The following COMT variants were observed in gnomAD, a reference collection of about 807,000 sequenced individuals.
COMT encodes catechol-O-methyltransferase.
A neutral mutation model predicts 18.9 loss-of-function variants in COMT; 13 were observed. The observed-to-expected ratio is 0.69, with a 90% confidence interval of 0.45 to 1.09. The LOEUF (loss-of-function observed/expected upper bound fraction) is 1.09. Ranked by LOEUF, COMT falls within the 50% of genes least tolerant of loss-of-function variation. The pLI is 0.00. For synonymous variants in COMT, 150 were observed against 160.9 expected (o/e 0.93, Z 0.51); for missense variants, 329 against 361.8 (o/e 0.91, Z 0.73).
chr22:19,957,370 A>T (rs936090232), intron 1 of COMT, among the ~76,000 whole-genome samples: 10 of 151,340 alleles, frequency 6.6e-5, no homozygotes, highest in Non-Finnish European at 1.2e-4. Flanking sequence ...GTGAGCCTTG[A>T]TCACGCCACT....
intron 1 of COMT, among the ~76,000 whole-genome samples, chr22:19,958,783 TG>T (rs751677413): frequency 6.7e-6 from 1 of 149,386 alleles, no homozygotes; most frequent in Non-Finnish European, 1.5e-5. Context: ...CCCAGCTACT[TG>T]GGGGGGCTGA....
chr22:19,957,272 A>G (rs1942086315), intron 1 of COMT, among the ~76,000 whole-genome samples: 2 of 152,278 alleles, frequency 1.3e-5, no homozygotes, highest in East Asian at 3.9e-4. Context: ...TTTTAAAGAA[A>G]GATGAGACCA....
rs1490738431 is a variant in COMT at position 19,964,152 on chromosome 22, A to T, written c.484-16A>T. On this transcript the variant is annotated splice_polypyrimidine_tract_variant and intron_variant, in intron 4 of 5. Coordinates refer to ENST00000361682, the MANE Select transcript of COMT (RefSeq NM_000754.4). ...CCTGTCTGTGAGGACGTGGGCACTG[A>T]CAGGCGCTGTTCCAGGTCACCCTTG... The T allele has an allele frequency of 6.2e-7, 1 of 1,613,838 alleles. No individual in the cohort carries two copies. The highest frequency in any genetic ancestry group is 1.3e-5 in the African/African-American group (1 of 74,920).
intron 1 of COMT, chr22:19,951,377 A>AC (rs3081740): frequency 6.6e-6 from 1 of 150,494 alleles, no homozygotes; most frequent in South Asian, 2.1e-4. Context: ...AAAAAAAAAA[A>AC]GCCTGGGACT....
intron 1 of COMT, among the ~76,000 whole-genome samples, chr22:19,943,686 G>T (rs563658418): frequency 6.6e-5 from 10 of 151,716 alleles, no homozygotes; most frequent in East Asian, 1.9e-4. Flanking sequence ...AAGAAAGAAA[G>T]AAATAAAAAC....
At chr22:19,943,955 C>T (rs1941794225) in intron 1 of COMT, among the ~76,000 whole-genome samples, 1 of 152,154 alleles carries the variant, frequency 6.6e-6, no homozygotes, top group African/African-American at 2.4e-5. Context: ...ACAAAGGCTG[C>T]CCCTGGAGAA....
rs1172249451 is a variant in COMT, at chr22:19,969,839, C to T, written c.*1103C>T. On this transcript the variant is annotated 3_prime_UTR_variant, in exon 6 of 6. Coordinates refer to ENST00000361682, the MANE Select transcript of COMT (RefSeq NM_000754.4). ...GCCCTGCCCCAGACGCGCAGAGGCC[C>T]GACACAAGGGAGAAGCCAGCCACTT... 1.5e-5 allele frequency: 15 copies of T among 985,400 alleles called. No homozygotes were observed. In the South Asian group the frequency reaches 1.9e-4, roughly 12 times the overall value. 61.0% of individuals were successfully genotyped at this position (985,400 alleles called of 1,614,324 possible). A position where few individuals can be genotyped will look rare whatever the true frequency, so the allele number is the denominator to read the frequency against.
chr22:19,947,300 T>C (rs1015725705), intron 1 of COMT, among the ~76,000 whole-genome samples: 10 of 152,116 alleles, frequency 6.6e-5, no homozygotes, highest in African/African-American at 2.2e-4. Context: ...TTTCTCCCCG[T>C]GTGCAGAGAT....
At chr22:19,967,035 G>A (rs1942438135) in intron 5 of COMT, 1 of 1,205,016 alleles carries the variant, frequency 8.3e-7, no homozygotes. Flanking sequence ...TCGGGCGACA[G>A]GCAGGACAGG....
intron 5 of COMT, chr22:19,967,288 C>T: frequency 1.7e-6 from 2 of 1,144,980 alleles, no homozygotes; most frequent in Non-Finnish European, 2.4e-6. Flanking sequence ...CTCATGCATT[C>T]CCTGGCCCAG....
chr22:19,966,162 G>C (rs771652736), intron 5 of COMT, among the ~76,000 whole-genome samples: 6 of 152,248 alleles, frequency 3.9e-5, no homozygotes, highest in Non-Finnish European at 7.3e-5. Flanking sequence ...GGGAAGTCAT[G>C]AATTGGGAAT....
chr22:19,960,795 G>C (rs1942175651), intron 1 of COMT, among the ~76,000 whole-genome samples: 1 of 152,238 alleles, frequency 6.6e-6, no homozygotes, highest in Non-Finnish European at 1.5e-5. Context: ...TTACTGGTTT[G>C]TGTATGTTCT....
intron 1 of COMT, among the ~76,000 whole-genome samples, chr22:19,944,050 C>T (rs1043451601): frequency 1.3e-5 from 2 of 151,974 alleles, no homozygotes; most frequent in South Asian, 2.1e-4. Context: ...ATCCTGGGGG[C>T]AAAGGGCAGC....
chr22:19,943,561 G>C (rs1376054515), intron 1 of COMT, among the ~76,000 whole-genome samples: 2 of 151,908 alleles, frequency 1.3e-5, no homozygotes, highest in Non-Finnish European at 1.5e-5. Flanking sequence ...AAGATCGTTT[G>C]AGCCTGGGAG....
intron 1 of COMT, among the ~76,000 whole-genome samples, chr22:19,954,300 C>G (rs111377305): frequency 3.9e-5 from 6 of 152,162 alleles, no homozygotes; most frequent in African/African-American, 1.4e-4. Flanking sequence ...AGGAGGCTGC[C>G]CTCTGCCTGG....
intron 1 of COMT, among the ~76,000 whole-genome samples, chr22:19,954,140 G>A (rs573968094): frequency 2.0e-5 from 3 of 151,228 alleles, no homozygotes; most frequent in South Asian, 2.1e-4. Context: ...CAAAGTCACC[G>A]TGGTCCCTGC....
rs2146201540 is a variant in COMT at position 19,969,023 on chromosome 22, G to A, written c.*287G>A. ...TAGAAATTAAGAATCTAAATATTTA[G>A]ATATAACTCGACTTAGTACATCCTT... On this transcript the variant is annotated 3_prime_UTR_variant, in exon 6 of 6. Transcript: ENST00000361682. 1 of 308,302 alleles carries A rather than the reference G, an allele frequency of 3.2e-6. No individual in the cohort carries two copies. Among genetic ancestry groups the A allele is most frequent in the East Asian group, 7.8e-5 (1 of 12,772 alleles). The allele number at this position is 308,302 out of a possible 1,614,324, so 19.1% of individuals were successfully genotyped here.
At chr22:19,948,663 A>G (rs541753227) in intron 1 of COMT, among the ~76,000 whole-genome samples, 141 of 152,212 alleles carry the variant, frequency 9.3e-4, no homozygotes, top group African/African-American at 3.0e-3. Flanking sequence ...CTGTCACTAA[A>G]AAAAATTTAG....
chr22:19,968,843 A>C lies in COMT; in HGVS notation c.*107A>C. 1 of 1,068,612 alleles carries C rather than the reference A, an allele frequency of 9.4e-7. No individual in the cohort carries two copies. Among genetic ancestry groups the C allele is most frequent in the Non-Finnish European group, 1.4e-6 (1 of 720,312 alleles). 66.2% of individuals were successfully genotyped at this position (1,068,612 alleles called of 1,614,324 possible). A position where few individuals can be genotyped will look rare whatever the true frequency, so the allele number is the denominator to read the frequency against. On this transcript the variant is annotated 3_prime_UTR_variant, in exon 6 of 6. Transcript: ENST00000361682. ...GGCTCCGGGCTGTGTCCTAAATGCA[A>C]AGCACACCTCGGCCGAGGCCTGCGC...
Sources: allele counts gnomAD v4.1 joint callset (sites outside exome capture counted in the v4.1 genomes callset), GRCh38; gene constraint gnomAD v4.1.1; transcripts MANE v1.5; gene names NCBI Gene and HGNC (gene_info 2026-07-23, HGNC 2026-07-21).